SI: variants seen among roughly 807,000 people sequenced by gnomAD.
SI encodes the protein sucrase-isomaltase, also known as sucrase-isomaltase, intestinal.
A neutral mutation model predicts 253.3 loss-of-function variants in SI; 235 were observed. The observed-to-expected ratio is 0.93, with a 90% CI of 0.83 to 1.03. SI has a LOEUF of 1.03. Ranked by LOEUF, SI falls within the 50% of genes least tolerant of loss-of-function variation. The pLI is 0.00. For synonymous variants in SI, 819 were observed against 712.0 expected (o/e 1.15, Z -2.39); for missense variants, 2,442 against 2,211.1 (o/e 1.10, Z -2.09).
intron 13 of SI, among the ~76,000 whole-genome samples, chr3:165,053,416 T>C (rs926499977): frequency 6.6e-6 from 1 of 152,154 alleles, no homozygotes; most frequent in Non-Finnish European, 1.5e-5. Context: ...AACAATAATC[T>C]GAAGAAAGTG....
chr3:165,042,864 C>T (rs771947982), intron 17 of SI, among the ~76,000 whole-genome samples, 195 bp downstream of exon 17: 14 of 151,928 alleles, frequency 9.2e-5, no homozygotes, highest in Non-Finnish European at 1.5e-4. Context: ...TTCATGATTT[C>T]CTTATTTGAC....
At chr3:165,087,947 A>T in the SI span, among the ~76,000 whole-genome samples, 1 of 152,220 alleles carries the variant, frequency 6.6e-6, no homozygotes, top group South Asian at 2.1e-4. Flanking sequence ...TACAGGAGAA[A>T]TGCTAACCCG....
intron 38 of SI, among the ~76,000 whole-genome samples, 165 bp from the exon 39 acceptor site, chr3:164,996,937 TCACA>T (rs1718039626): frequency 6.6e-6 from 1 of 151,770 alleles, no homozygotes; most frequent in South Asian, 2.1e-4. Flanking sequence ...CTCATAATGC[TCACA>T]CATTTTGACT....
intron 37 of SI, among the ~76,000 whole-genome samples, chr3:164,999,316 G>A (rs1718159025): frequency 6.6e-6 from 1 of 151,424 alleles, no homozygotes; most frequent in Admixed American, 6.6e-5. Context: ...GTTAAAATAT[G>A]TTCTAGTTTT....
At chr3:165,084,929 T>A in the SI span, among the ~76,000 whole-genome samples, 2 of 152,104 alleles carry the variant, frequency 1.3e-5, no homozygotes, top group Non-Finnish European at 2.9e-5. Flanking sequence ...CCACTCTCCT[T>A]AGAGCACTGT....
At chr3:165,010,776 T>G (rs185472965) in intron 34 of SI, among the ~76,000 whole-genome samples, 46 of 152,312 alleles carry the variant, frequency 3.0e-4, no homozygotes, top group African/African-American at 1.1e-3. Flanking sequence ...TTGATACCTT[T>G]TGTGGAAGAG....
At chr3:165,082,242 A>G (rs1715359634), upstream of SI, among the ~76,000 whole-genome samples, 1 of 151,884 alleles carries the variant, frequency 6.6e-6, no homozygotes. Flanking sequence ...CTTTTTGTTA[A>G]GCGTTCTATA....
chr3:165,073,214 C>G (rs917718850), intron 3 of SI, among the ~76,000 whole-genome samples: 13 of 127,778 alleles, frequency 1.0e-4, no homozygotes, highest in Middle Eastern at 4.2e-3. Flanking sequence ...CTCTCTCTCT[C>G]TCTCTCTCTC....
chr3:165,064,426 A>G (rs1198915297), intron 7 of SI, among the ~76,000 whole-genome samples: 4 of 152,140 alleles, frequency 2.6e-5, no homozygotes, highest in Non-Finnish European at 4.4e-5. Flanking sequence ...TTTATTAATA[A>G]TTCTGTACCA....
At chr3:165,042,378 G>A (rs1015393666) in intron 17 of SI, among the ~76,000 whole-genome samples, 6 of 151,940 alleles carry the variant, frequency 3.9e-5, no homozygotes, top group African/African-American at 1.4e-4. Flanking sequence ...ACACTGAACG[G>A]TTTCTTAACC....
At chr3:164,999,757 A>T (rs1195213596) in intron 37 of SI, among the ~76,000 whole-genome samples, 1 of 151,696 alleles carries the variant, frequency 6.6e-6, no homozygotes, top group Non-Finnish European at 1.5e-5. Flanking sequence ...AGCTCAAGAA[A>T]GTTCGGAATT....
chr3:165,088,440 C>T, the SI span, among the ~76,000 whole-genome samples: 37 of 151,934 alleles, frequency 2.4e-4, no homozygotes, highest in South Asian at 6.2e-4. Flanking sequence ...GTCAGGAGTT[C>T]GAGACCAGCC....
chr3:165,023,021 C>T (rs2108187113), intron 26 of SI, among the ~76,000 whole-genome samples: 1 of 151,376 alleles, frequency 6.6e-6, no homozygotes, highest in Admixed American at 6.6e-5. Flanking sequence ...GATTTGTTGC[C>T]ATTTCTGCTT....
intron 37 of SI, among the ~76,000 whole-genome samples, chr3:165,001,993 A>G (rs1348021713): frequency 2.0e-5 from 3 of 151,602 alleles, no homozygotes; most frequent in Non-Finnish European, 4.4e-5. Context: ...TTTTATGATT[A>G]CAAAACTCTT....
intron 5 of SI, 46 bp downstream of exon 5, chr3:165,068,676 C>T (rs1714385708): frequency 1.4e-6 from 2 of 1,414,722 alleles, no homozygotes; most frequent in Non-Finnish European, 2.0e-6. Context: ...CCCAGCCCAT[C>T]AAATGTCTTT....
chr3:165,019,099 G>A (rs1344436067), intron 28 of SI, among the ~76,000 whole-genome samples: 2 of 151,528 alleles, frequency 1.3e-5, no homozygotes, highest in Non-Finnish European at 2.9e-5. Context: ...TTGCATTAAC[G>A]AGACAAATCT....
At chr3:165,032,797 A>G (rs1195251978) in intron 23 of SI, 105 bp from the exon 24 acceptor site, 8 of 676,666 alleles carry the variant, frequency 1.2e-5, no homozygotes, top group Admixed American at 4.9e-5. Context: ...CTACATCTCT[A>G]TTCCCACCAG....
intron 18 of SI, 83 bp downstream of exon 18, chr3:165,040,857 T>C (rs1712783272): frequency 9.1e-7 from 1 of 1,101,808 alleles, no homozygotes; most frequent in Admixed American, 1.8e-5. Context: ...ATTGATATCT[T>C]GATTTACCTC....
At chr3:165,067,118 A>G (rs1428441426) in intron 6 of SI, among the ~76,000 whole-genome samples, 3 of 151,876 alleles carry the variant, frequency 2.0e-5, no homozygotes, top group Non-Finnish European at 1.5e-5. Flanking sequence ...GAAGCTCTCC[A>G]CCTTCATCTT....
Sources: gnomAD v4.1 joint callset for allele counts (sites outside exome capture counted in the v4.1 genomes callset) on GRCh38, gnomAD v4.1.1 for gene constraint, MANE v1.5 for transcripts, NCBI Gene and HGNC (gene_info 2026-07-23, HGNC 2026-07-21) for gene names.